C2orf76: variants seen among roughly 807,000 people sequenced by gnomAD.
C2orf76 encodes UPF0538 protein C2orf76.
Under a neutral mutation model 16.9 loss-of-function variants are expected in C2orf76, and 23 were observed. The observed-to-expected ratio is 1.36, with a 90% CI of 0.98 to 1.93. The LOEUF (loss-of-function observed/expected upper bound fraction) is 1.93, where lower values mean the gene tolerates loss of function less well. C2orf76 is among the 30% of genes most tolerant of loss of function. The pLI is 0.00. For missense variants in C2orf76, 152 were observed against 152.6 expected, an observed-to-expected ratio of 1.00 and a Z score of 0.02; for synonymous variants, 48 against 52.3, an observed-to-expected ratio of 0.92 and a Z score of 0.35.
rs1679329727 is a variant in C2orf76 at position 119,321,188 on chromosome 2, G to A, written c.150C>T (p.Thr50=). 2.8e-6 allele frequency: 4 copies of A among 1,439,920 alleles called. No homozygotes were observed. The highest frequency in any genetic ancestry group is 3.8e-6 in the Non-Finnish European group (4 of 1,060,076). The allele number at this position is 1,439,920 out of a possible 1,614,324, so 89.2% of individuals were successfully genotyped here. ...VFLKQDIPLR[T]NLPPPFRNYK... ...AATTTCTGAATGGTGGTGGCAGGTTGGTCCTTAAAGGGATATCTACAAGAG... is the reference window on the plus strand; with the variant it reads ...AATTTCTGAATGGTGGTGGCAGGTTAGTCCTTAAAGGGATATCTACAAGAG... The change falls in exon 3 of 6, where the codon ACC becomes ACT. Residue 50 remains threonine (T), a synonymous_variant. Coordinates refer to ENST00000334816, the MANE Select transcript of C2orf76 (RefSeq NM_001322331.2).
At chr2:119,339,707 G>T in intron 2 of C2orf76, 120 bp downstream of exon 2, 1 of 1,126,598 alleles carries the variant, frequency 8.9e-7, no homozygotes, top group Non-Finnish European at 1.2e-6. Flanking sequence ...CCAGCACCTG[G>T]CTTGGAACCC....
At chr2:119,354,481 C>T (rs957691064) in intron 1 of C2orf76, among the ~76,000 whole-genome samples, 2 of 152,196 alleles carry the variant, frequency 1.3e-5, no homozygotes, top group Non-Finnish European at 2.9e-5. Flanking sequence ...CAGGATCGCA[C>T]CACTGCACTC....
chr2:119,345,838 G>T (rs761067529), intron 1 of C2orf76, among the ~76,000 whole-genome samples: 9 of 152,060 alleles, frequency 5.9e-5, no homozygotes, highest in Non-Finnish European at 1.0e-4. Flanking sequence ...GAGGCCCGCG[G>T]ATCACAAGGT....
intron 2 of C2orf76, among the ~76,000 whole-genome samples, chr2:119,325,414 CTTGCCA>C (rs1679477298): frequency 7.5e-6 from 1 of 133,804 alleles, no homozygotes; most frequent in South Asian, 2.4e-4. Context: ...GAGCCGAGAT[CTTGCCA>C]TTGTACTCCA....
chr2:119,346,196 A>T (rs993644206), intron 1 of C2orf76, among the ~76,000 whole-genome samples: 1 of 152,226 alleles, frequency 6.6e-6, no homozygotes, highest in African/African-American at 2.4e-5. Flanking sequence ...TAGGAATGTA[A>T]AATGGTACTA....
At chr2:119,320,052 A>G (rs943871247) in intron 3 of C2orf76, among the ~76,000 whole-genome samples, 2 of 152,336 alleles carry the variant, frequency 1.3e-5, no homozygotes, top group South Asian at 4.1e-4. Context: ...CTAGGGCAGA[A>G]GGAAGTTAAT....
chr2:119,289,453 T>C, the C2orf76 span, among the ~76,000 whole-genome samples: 2 of 151,944 alleles, frequency 1.3e-5, 1 homozygote, highest in East Asian at 3.9e-4. Context: ...TTTGGGAGGC[T>C]GACGTGGGCA....
the C2orf76 span, among the ~76,000 whole-genome samples, chr2:119,285,173 T>A: frequency 6.6e-6 from 1 of 152,242 alleles, no homozygotes; most frequent in Non-Finnish European, 1.5e-5. Flanking sequence ...ATCCAAATCA[T>A]ATGTAGATAA....
At chr2:119,315,193 T>TACAC (rs148908865) in intron 4 of C2orf76, among the ~76,000 whole-genome samples, 2 of 149,912 alleles carry the variant, frequency 1.3e-5, no homozygotes, top group African/African-American at 4.9e-5. Flanking sequence ...CACACACACA[T>TACAC]ACACACACAC....
At chr2:119,365,632 A>C (rs4849777) in intron 1 of C2orf76, among the ~76,000 whole-genome samples, 30,117 of 152,102 alleles carry the variant, frequency 0.2, 3,907 homozygotes, top group East Asian at 0.55. Flanking sequence ...TTAGAGAGGA[A>C]TGACTTTGCT....
chr2:119,325,891 C>T (rs1219899573), intron 2 of C2orf76, among the ~76,000 whole-genome samples: 1 of 152,066 alleles, frequency 6.6e-6, no homozygotes, highest in African/African-American at 2.4e-5. Context: ...AATATTTTGC[C>T]CACTTTTAAT....
chr2:119,359,167 T>C (rs905718316), intron 1 of C2orf76, among the ~76,000 whole-genome samples: 2 of 152,204 alleles, frequency 1.3e-5, no homozygotes, highest in African/African-American at 2.4e-5. Context: ...AAAGTCTGCA[T>C]GACAGTGCAT....
At chr2:119,346,057 A>C (rs1467772753) in intron 1 of C2orf76, among the ~76,000 whole-genome samples, 6 of 112,624 alleles carry the variant, frequency 5.3e-5, no homozygotes, top group African/African-American at 1.3e-4. Flanking sequence ...GCCATCTCAA[A>C]AAAAAAAAAA....
At chr2:119,330,530 C>T (rs1448641568) in intron 2 of C2orf76, among the ~76,000 whole-genome samples, 1 of 151,740 alleles carries the variant, frequency 6.6e-6, no homozygotes, top group Non-Finnish European at 1.5e-5. Flanking sequence ...TATGGTATGC[C>T]TTGGTGTGGC....
intron 3 of C2orf76, among the ~76,000 whole-genome samples, chr2:119,318,043 T>C (rs1679229374): frequency 6.6e-6 from 1 of 152,046 alleles, no homozygotes. Flanking sequence ...ATCTGTCTCT[T>C]GGTTTGCAAA....
chr2:119,282,605 C>G, the C2orf76 span, among the ~76,000 whole-genome samples: 5 of 152,234 alleles, frequency 3.3e-5, no homozygotes, highest in Non-Finnish European at 5.9e-5. Flanking sequence ...TAACAAACAC[C>G]TGTAAAGCGT....
intron 1 of C2orf76, among the ~76,000 whole-genome samples, chr2:119,354,405 A>G (rs552573386): frequency 1.0e-3 from 159 of 152,294 alleles, no homozygotes; most frequent in African/African-American, 3.7e-3. Flanking sequence ...CGCTCCTGTA[A>G]GCCCAGCTAC....
intron 1 of C2orf76, among the ~76,000 whole-genome samples, chr2:119,353,163 C>A (rs1241575467): frequency 1.4e-5 from 2 of 147,936 alleles, no homozygotes; most frequent in African/African-American, 2.5e-5. Context: ...GTCATTTTAT[C>A]AAAAAAAAAA....
the C2orf76 span, among the ~76,000 whole-genome samples, chr2:119,288,113 C>A: frequency 5.3e-5 from 8 of 150,020 alleles, no homozygotes; most frequent in East Asian, 1.6e-3. Flanking sequence ...CAAAGAACTG[C>A]ATATCTAAGA....
Sources: allele counts gnomAD v4.1 joint callset (sites outside exome capture counted in the v4.1 genomes callset), GRCh38; gene constraint gnomAD v4.1.1; transcripts MANE v1.5; gene names NCBI Gene and HGNC (gene_info 2026-07-23, HGNC 2026-07-21).